AGBL1: variants seen among roughly 807,000 people sequenced by gnomAD.
AGBL1 encodes cytosolic carboxypeptidase 4.
AGBL1 carries 130 observed loss-of-function variants against 118.9 expected under a neutral mutation model. The observed-to-expected ratio is 1.09, with a 90% CI of 0.95 to 1.26. The LOEUF (loss-of-function observed/expected upper bound fraction) is 1.26, where lower values mean the gene tolerates loss of function less well. Ranked by LOEUF, AGBL1 falls within the 50% of genes most tolerant of loss-of-function variation. The probability of loss-of-function intolerance (pLI) is 0.00; values close to 1 mark genes in which losing one functional copy is unlikely to be tolerated. For missense variants in AGBL1, 1,584 were observed against 1,298.1 expected (o/e 1.22, Z -3.38); for synonymous variants, 555 against 478.9 (o/e 1.16, Z -2.08).
At chr15:86,669,479 CAG>C (rs2085703509) in intron 21 of AGBL1, among the ~76,000 whole-genome samples, 1 of 152,002 alleles carries the variant, frequency 6.6e-6, no homozygotes, top group Admixed American at 6.6e-5. Flanking sequence ...ATTTCCTTGA[CAG>C]AGGTAAGGGA....
intron 22 of AGBL1, among the ~76,000 whole-genome samples, chr15:86,881,656 A>G (rs1348574454): frequency 6.6e-6 from 1 of 152,064 alleles, no homozygotes; most frequent in African/African-American, 2.4e-5. Context: ...TTTATTTAAG[A>G]TAGGGTCTCA....
intron 21 of AGBL1, among the ~76,000 whole-genome samples, chr15:86,591,258 A>G (rs998143804): frequency 1.3e-5 from 2 of 152,188 alleles, no homozygotes; most frequent in Non-Finnish European, 2.9e-5. Context: ...AATCAATGCA[A>G]TACTTCTGTG....
chr15:86,115,836 A>G (rs1897719673), intron 1 of AGBL1, among the ~76,000 whole-genome samples: 1 of 151,906 alleles, frequency 6.6e-6, no homozygotes, highest in African/African-American at 2.4e-5. Flanking sequence ...GAAACTCCAG[A>G]CTCATCTCTC....
At chr15:86,829,809 A>G (rs981358447) in intron 22 of AGBL1, among the ~76,000 whole-genome samples, 6 of 152,000 alleles carry the variant, frequency 3.9e-5, no homozygotes, top group Middle Eastern at 3.2e-3. Flanking sequence ...TTTTGTTACT[A>G]TTTATAACAT....
chr15:86,716,165 TCTC>T (rs1411637776), intron 22 of AGBL1, among the ~76,000 whole-genome samples: 1 of 152,200 alleles, frequency 6.6e-6, no homozygotes, highest in African/African-American at 2.4e-5. Context: ...GCTAGGGATT[TCTC>T]CTCCATTCCT....
rs541486735 is a variant in AGBL1, at chr15:86,435,748, C to T, written c.2555+38202C>T. ...TCGGGTACATTTATTTACCTCTCTG[C>T]GGCTCGGATTCCTTCCCAGTAAAGT... On this transcript the variant is annotated intron_variant, in intron 18 of 22. Coordinates refer to ENST00000614907, the MANE Select transcript of AGBL1 (RefSeq NM_001386094.1). Among the ~76,000 whole-genome samples, 64 of 152,220 alleles carry T rather than the reference C, an allele frequency of 4.2e-4. No individual in the cohort carries two copies. In the South Asian group the frequency reaches 0.011, roughly 26 times the overall value.
chr15:86,413,126 G>A lies in AGBL1; in HGVS notation c.2555+15580G>A, dbSNP rs143380753. ...GTTATAGAATTCTGTAATGTTAGAG[G>A]TGAAAGACATCTTACATTTCAACAA... On this transcript the variant is annotated intron_variant, in intron 18 of 22. Coordinates refer to ENST00000614907, the MANE Select transcript of AGBL1 (RefSeq NM_001386094.1). Among the ~76,000 whole-genome samples the A allele has an allele frequency of 6.6e-5, 10 of 152,144 alleles. No individual in the cohort carries two copies. In the East Asian group the frequency reaches 1.9e-3, roughly 29 times the overall value.
At chr15:86,653,973 G>A (rs1039845321) in intron 21 of AGBL1, among the ~76,000 whole-genome samples, 1 of 152,156 alleles carries the variant, frequency 6.6e-6, no homozygotes, top group Non-Finnish European at 1.5e-5. Context: ...AGAAGAATGT[G>A]AGTAGTTTGA....
chr15:86,729,985 A>G (rs560161801), intron 22 of AGBL1, among the ~76,000 whole-genome samples: 1 of 152,224 alleles, frequency 6.6e-6, no homozygotes, highest in South Asian at 2.1e-4. Context: ...GTGAGATGGT[A>G]CCTCATTGTG....
In AGBL1 at chr15:86,904,747, G is replaced by A. The variant is rs1296627239; in HGVS notation, c.3159-2340G>A. 1.3e-4 allele frequency among the ~76,000 whole-genome samples: 20 copies of A among 150,562 alleles called. No individual in the cohort carries two copies. The East Asian group carries it at 2.3e-3, about 18-fold the overall frequency. On this transcript the variant is annotated intron_variant, in intron 22 of 22. Coordinates refer to ENST00000614907, the MANE Select transcript of AGBL1 (RefSeq NM_001386094.1). ...ACTAAAATTCACAGACATGATAATT[G>A]TGGTATAATCCATATATAAAAATAT...
chr15:86,631,627 C>A (rs572546090), intron 21 of AGBL1, among the ~76,000 whole-genome samples: 1 of 152,270 alleles, frequency 6.6e-6, no homozygotes, highest in African/African-American at 2.4e-5. Context: ...ATGTATGGGG[C>A]AGCCTGCTAA....
At chr15:86,720,790 G>T (rs2086706708) in intron 22 of AGBL1, among the ~76,000 whole-genome samples, 1 of 152,012 alleles carries the variant, frequency 6.6e-6, no homozygotes, top group Non-Finnish European at 1.5e-5. Flanking sequence ...GAACCAAATA[G>T]ACACAATAAA....
intron 15 of AGBL1, among the ~76,000 whole-genome samples, chr15:86,278,077 C>T (rs961473160): frequency 2.0e-5 from 3 of 152,202 alleles, no homozygotes; most frequent in Non-Finnish European, 4.4e-5. Context: ...TTCCGAGCTA[C>T]CATCTGCTTC....
intron 22 of AGBL1, among the ~76,000 whole-genome samples, chr15:86,730,359 A>C (rs997279963): frequency 6.6e-6 from 1 of 152,256 alleles, no homozygotes; most frequent in Non-Finnish European, 1.5e-5. Context: ...CATACAACCA[A>C]CAAAGATCTA....
chr15:86,399,966 T>C (rs2081420996), intron 18 of AGBL1, among the ~76,000 whole-genome samples: 1 of 152,192 alleles, frequency 6.6e-6, no homozygotes, highest in Non-Finnish European at 1.5e-5. Flanking sequence ...GAAATCATAG[T>C]GTTATTCTAC....
At chr15:87,029,890 G>A (rs1298492380), downstream of AGBL1, among the ~76,000 whole-genome samples, 2 of 151,788 alleles carry the variant, frequency 1.3e-5, no homozygotes, top group South Asian at 2.1e-4. Flanking sequence ...GTATTTTGTT[G>A]TAGAGGCAAA....
At chr15:86,917,553 C>T (rs1240170087), downstream of AGBL1, among the ~76,000 whole-genome samples, 1 of 152,192 alleles carries the variant, frequency 6.6e-6, no homozygotes, top group East Asian at 1.9e-4. This position sits in a 1 kb window ranked among gnomAD's most constrained non-coding sequence, Gnocchi z 4.8. Flanking sequence ...CTAGCAGCAG[C>T]CACAGGGCAA....
chr15:86,633,873 ATAATG>A (rs559157657), intron 21 of AGBL1, among the ~76,000 whole-genome samples: 9,140 of 30,556 alleles, frequency 0.3, 373 homozygotes, highest in East Asian at 0.44. Flanking sequence ...ATGTATATAT[ATAATG>A]TATATATATA....
At chr15:86,176,558 G>T (rs1442945201) in intron 5 of AGBL1, among the ~76,000 whole-genome samples, 1 of 151,892 alleles carries the variant, frequency 6.6e-6, no homozygotes, top group Non-Finnish European at 1.5e-5. Flanking sequence ...GGGCTAGAGT[G>T]CTGGGGACCT....
Sources: gnomAD v4.1 joint callset for allele counts (sites outside exome capture counted in the v4.1 genomes callset) on GRCh38, gnomAD v4.1.1 for gene constraint, Gnocchi (gnomAD v3.1) non-coding constraint, MANE v1.5 for transcripts, NCBI Gene and HGNC (gene_info 2026-07-23, HGNC 2026-07-21) for gene names.